NDUFS4: variants seen among roughly 807,000 people sequenced by gnomAD.
NDUFS4 encodes NADH dehydrogenase [ubiquinone] iron-sulfur protein 4, mitochondrial.
Under a neutral mutation model 24.3 loss-of-function variants are expected in NDUFS4, and 28 were observed. The observed-to-expected ratio is 1.15, with a 90% CI of 0.85 to 1.58. NDUFS4 has a LOEUF of 1.58. Ranked by LOEUF, NDUFS4 falls within the 40% of genes most tolerant of loss-of-function variation. The probability of loss-of-function intolerance (pLI) is 0.00; values close to 1 mark genes in which losing one functional copy is unlikely to be tolerated. For synonymous variants in NDUFS4, 93 were observed against 69.7 expected (o/e 1.34, Z -1.67); for missense variants, 223 against 207.9 (o/e 1.07, Z -0.45).
intron 2 of NDUFS4, among the ~76,000 whole-genome samples, chr5:53,624,932 G>C (rs980817069): frequency 5.3e-5 from 8 of 151,998 alleles, no homozygotes; most frequent in African/African-American, 1.9e-4. Context: ...TCTTTTCTGG[G>C]TTTGTGTTGT....
chr5:53,656,665 ATAT>A (rs1752168097), intron 3 of NDUFS4, among the ~76,000 whole-genome samples: 1 of 152,244 alleles, frequency 6.6e-6, no homozygotes, highest in Admixed American at 6.5e-5. Context: ...AGTTCTGTCC[ATAT>A]TATAGAAGTG....
intron 1 of NDUFS4, among the ~76,000 whole-genome samples, chr5:53,576,762 G>A (rs1018712890): frequency 5.3e-5 from 8 of 152,188 alleles, no homozygotes; most frequent in African/African-American, 1.9e-4. Context: ...AATATTTTGT[G>A]TAGTGTTATC....
chr5:53,587,963 T>G (rs1183212115), intron 1 of NDUFS4, among the ~76,000 whole-genome samples: 1 of 152,102 alleles, frequency 6.6e-6, no homozygotes, highest in Non-Finnish European at 1.5e-5. Flanking sequence ...AATAATTACT[T>G]GTTTAGGTTG....
intron 2 of NDUFS4, among the ~76,000 whole-genome samples, chr5:53,644,097 C>G (rs1185610603): frequency 6.6e-6 from 1 of 152,006 alleles, no homozygotes; most frequent in Non-Finnish European, 1.5e-5. Flanking sequence ...AATACTATTT[C>G]AATTTTTTTC....
chr5:53,629,401 G>A (rs1170659862), intron 2 of NDUFS4, among the ~76,000 whole-genome samples: 4 of 152,080 alleles, frequency 2.6e-5, no homozygotes, highest in African/African-American at 7.2e-5. Context: ...AGGTCTGCTC[G>A]GTGCAGAGCT....
intron 1 of NDUFS4, among the ~76,000 whole-genome samples, chr5:53,567,307 C>T (rs1014404981): frequency 1.3e-5 from 2 of 152,086 alleles, no homozygotes; most frequent in Non-Finnish European, 2.9e-5. Flanking sequence ...CCCTAATGTC[C>T]TCTCTGTTTT....
At chr5:53,651,755 T>A (rs927349327) in intron 3 of NDUFS4, among the ~76,000 whole-genome samples, 4 of 148,404 alleles carry the variant, frequency 2.7e-5, no homozygotes, top group Non-Finnish European at 5.9e-5. Context: ...ATTTAGGGGA[T>A]CTTGGGCTTA....
intron 3 of NDUFS4, among the ~76,000 whole-genome samples, chr5:53,647,900 G>T (rs750350890): frequency 2.0e-5 from 3 of 151,938 alleles, no homozygotes; most frequent in Non-Finnish European, 4.4e-5. Context: ...TGATATATAG[G>T]CACAATTTCT....
chr5:53,616,742 A>T (rs1298394585), intron 2 of NDUFS4, among the ~76,000 whole-genome samples: 1 of 152,328 alleles, frequency 6.6e-6, no homozygotes, highest in East Asian at 1.9e-4. Flanking sequence ...AGAAGGCTTT[A>T]TATAATTCTA....
intron 4 of NDUFS4, among the ~76,000 whole-genome samples, chr5:53,659,911 G>A (rs1027519855): frequency 1.3e-5 from 2 of 152,046 alleles, no homozygotes; most frequent in African/African-American, 4.8e-5. Context: ...AATTGCTGTG[G>A]TGATTAAATG....
chr5:53,619,486 C>CAAAAA lies in NDUFS4; in HGVS notation c.177+15974_177+15978dup, dbSNP rs70983366. ...TGGGTGACACAGCAAGACTCTGTCT[C>CAAAAA]AAAAAAAAAAAAAAAAAAAAAACAC... On this transcript the variant is annotated intron_variant, in intron 2 of 4. Transcript: ENST00000296684. 1.1e-3 allele frequency among the ~76,000 whole-genome samples: 52 copies of CAAAAA among 49,020 alleles called. 3 individuals are homozygous for CAAAAA. The highest frequency in any genetic ancestry group is 3.3e-3 in the African/African-American group (38 of 11,618). 32.2% of individuals were successfully genotyped at this position (49,020 alleles called of 152,430 possible).
Position 53,618,637 on chromosome 5 carries a change from ACAAT to A in NDUFS4, c.177+15111_177+15114del, listed in dbSNP as rs554801791. 3.9e-5 allele frequency among the ~76,000 whole-genome samples: 6 copies of A among 152,276 alleles called. No individual in the cohort carries two copies. The South Asian group carries it at 1.0e-3, about 26-fold the overall frequency. ...ATTATCTCTCAATATACAGTTTCTG[ACAAT>A]CAACTATGTAATTCTTTAATTGGTA... On this transcript the variant is annotated intron_variant, in intron 2 of 4. Coordinates refer to ENST00000296684, the MANE Select transcript of NDUFS4 (RefSeq NM_002495.4).
chr5:53,655,482 T>G (rs1752135315), intron 3 of NDUFS4, among the ~76,000 whole-genome samples: 1 of 150,042 alleles, frequency 6.7e-6, no homozygotes, highest in South Asian at 2.1e-4. Flanking sequence ...TTGATGGTTA[T>G]TTGTGTAAAT....
chr5:53,627,621 GTA>G (rs1440042117), intron 2 of NDUFS4, among the ~76,000 whole-genome samples: 1 of 152,044 alleles, frequency 6.6e-6, no homozygotes, highest in Non-Finnish European at 1.5e-5. Context: ...GGATTCCTAG[GTA>G]TTTTATTCTC....
At chr5:53,601,243 TC>T (rs1384046055) in intron 1 of NDUFS4, among the ~76,000 whole-genome samples, 1 of 152,010 alleles carries the variant, frequency 6.6e-6, no homozygotes, top group Non-Finnish European at 1.5e-5. Flanking sequence ...GACCTTGTGA[TC>T]CGCCCGCCTC....
At chr5:53,566,737 A>G (rs1749039026) in intron 1 of NDUFS4, among the ~76,000 whole-genome samples, 1 of 152,176 alleles carries the variant, frequency 6.6e-6, no homozygotes, top group African/African-American at 2.4e-5. Context: ...ACCTAATACA[A>G]TGTAAATTCT....
intron 1 of NDUFS4, among the ~76,000 whole-genome samples, chr5:53,566,888 GC>G (rs1749045163): frequency 7.4e-6 from 1 of 134,474 alleles, no homozygotes; most frequent in African/African-American, 2.9e-5. Flanking sequence ...TTGCTTTGTT[GC>G]CCAGGCTGAA....
chr5:53,579,465 C>T (rs943606205), intron 1 of NDUFS4, among the ~76,000 whole-genome samples: 3 of 152,134 alleles, frequency 2.0e-5, no homozygotes, highest in Admixed American at 2.0e-4. Flanking sequence ...ATGTCCTAAT[C>T]CCCAGAACCT....
At chr5:53,619,778 G>T (rs1750974572) in intron 2 of NDUFS4, among the ~76,000 whole-genome samples, 4 of 151,916 alleles carry the variant, frequency 2.6e-5, no homozygotes, top group African/African-American at 9.7e-5. Flanking sequence ...ATTATAATGT[G>T]ACTATATTTC....
Sources: gnomAD v4.1 joint callset for allele counts (sites outside exome capture counted in the v4.1 genomes callset) on GRCh38, gnomAD v4.1.1 for gene constraint, MANE v1.5 for transcripts, NCBI Gene and HGNC (gene_info 2026-07-23, HGNC 2026-07-21) for gene names.